Variants in C12orf42 observed in about 807,000 individuals in gnomAD.
C12orf42 encodes uncharacterized protein C12orf42.
In C12orf42, 25 loss-of-function variants were observed where a neutral mutation model predicts 21.6. The ratio of observed to expected loss-of-function variants is 1.16; its 90% CI spans 0.84 to 1.62. The LOEUF (loss-of-function observed/expected upper bound fraction) is 1.62, where lower values mean the gene tolerates loss of function less well. Among genes scored for constraint, C12orf42 ranks in the 40% most tolerant of loss-of-function variants. The pLI is 0.00. For synonymous variants in C12orf42, 174 were observed against 175.0 expected (o/e 0.99, Z 0.05); for missense variants, 483 against 459.3 (o/e 1.05, Z -0.47).
chr12:103,281,962 AGAG>A (rs2036166850), intron 4 of C12orf42, among the ~76,000 whole-genome samples: 1 of 151,558 alleles, frequency 6.6e-6, no homozygotes, highest in Non-Finnish European at 1.5e-5. Flanking sequence ...AAAGAAAGAA[AGAG>A]ATCGATCCTA....
chr12:103,451,722 A>G (rs1313460466), intron 2 of C12orf42, among the ~76,000 whole-genome samples: 2 of 152,062 alleles, frequency 1.3e-5, no homozygotes, highest in Non-Finnish European at 2.9e-5. Flanking sequence ...TCCCCTTAGG[A>G]AAGTTAATTC....
chr12:103,129,583 T>G, the C12orf42 span, among the ~76,000 whole-genome samples: 1 of 152,360 alleles, frequency 6.6e-6, no homozygotes, highest in Admixed American at 6.5e-5. Flanking sequence ...TGATTATTCT[T>G]CTGCCTTTTT....
chr12:103,047,942 T>G, the C12orf42 span, among the ~76,000 whole-genome samples: 1 of 152,218 alleles, frequency 6.6e-6, no homozygotes, highest in Admixed American at 6.5e-5. Flanking sequence ...TGCCATATTG[T>G]CATGGCCAGA....
intron 3 of C12orf42, among the ~76,000 whole-genome samples, chr12:103,399,991 T>C (rs2138661921): frequency 6.6e-6 from 1 of 152,238 alleles, no homozygotes; most frequent in African/African-American, 2.4e-5. Context: ...TATATGGCAG[T>C]CAATATACAG....
At chr12:103,506,758 CAG>C in the C12orf42 span, among the ~76,000 whole-genome samples, 179 of 134,792 alleles carry the variant, frequency 1.3e-3, no homozygotes, top group East Asian at 0.021. Flanking sequence ...GTACATAAAA[CAG>C]GGGCTAGAAG....
the C12orf42 span, among the ~76,000 whole-genome samples, chr12:103,553,613 C>T: frequency 6.6e-6 from 1 of 152,170 alleles, no homozygotes; most frequent in African/African-American, 2.4e-5. Context: ...ATCCAAAGTT[C>T]GTTAGAAATC....
At chr12:103,156,132 C>T in the C12orf42 span, 1 of 152,110 alleles carries the variant, frequency 6.6e-6, no homozygotes, top group African/African-American at 2.4e-5. Context: ...CAGGTCACAT[C>T]TGAAAGATTA....
the C12orf42 span, among the ~76,000 whole-genome samples, chr12:103,531,632 A>T: frequency 6.6e-6 from 1 of 152,248 alleles, no homozygotes; most frequent in Non-Finnish European, 1.5e-5. Flanking sequence ...AGAGAATATT[A>T]ACCTGGTAAA....
the C12orf42 span, among the ~76,000 whole-genome samples, chr12:103,223,474 TAG>T: frequency 6.6e-6 from 1 of 152,162 alleles, no homozygotes; most frequent in Non-Finnish European, 1.5e-5. Flanking sequence ...GATATCTGAT[TAG>T]AGAGTGCCTA....
At chr12:103,212,064 CTAAA>C in the C12orf42 span, among the ~76,000 whole-genome samples, 15 of 152,042 alleles carry the variant, frequency 9.9e-5, no homozygotes, top group Non-Finnish European at 2.1e-4. Flanking sequence ...TCATTTTGAA[CTAAA>C]TATTGTACAT....
At chr12:103,130,556 G>C in the C12orf42 span, among the ~76,000 whole-genome samples, 5 of 152,242 alleles carry the variant, frequency 3.3e-5, no homozygotes, top group South Asian at 8.3e-4. Flanking sequence ...CTGACTCTAA[G>C]GGAAAGGTTA....
the C12orf42 span, among the ~76,000 whole-genome samples, chr12:103,528,822 AC>A: frequency 6.6e-6 from 1 of 152,332 alleles, no homozygotes; most frequent in East Asian, 1.9e-4. Context: ...GCCAAATGCT[AC>A]ACTGGATGCT....
the C12orf42 span, among the ~76,000 whole-genome samples, chr12:103,551,392 C>T: frequency 2.8e-4 from 43 of 152,250 alleles, no homozygotes; most frequent in Admixed American, 6.5e-4. Context: ...TGGTACACAT[C>T]TGTAATCCTA....
At chr12:103,095,589 C>G in the C12orf42 span, among the ~76,000 whole-genome samples, 1 of 152,320 alleles carries the variant, frequency 6.6e-6, no homozygotes, top group African/African-American at 2.4e-5. Flanking sequence ...TCATTCCCTA[C>G]AATGCATTGC....
chr12:103,262,710 G>A (rs1386786429), intron 10 of C12orf42, among the ~76,000 whole-genome samples: 2 of 152,144 alleles, frequency 1.3e-5, no homozygotes, highest in Non-Finnish European at 2.9e-5. Context: ...TGGTGGGAGT[G>A]TAAATTAGTT....
intron 3 of C12orf42, among the ~76,000 whole-genome samples, chr12:103,383,060 G>C (rs1035995917): frequency 6.6e-6 from 1 of 152,044 alleles, no homozygotes; most frequent in African/African-American, 2.4e-5. Context: ...GATACTTACT[G>C]CCTGTGCCAT....
chr12:103,429,075 C>A (rs1566309563), intron 2 of C12orf42, among the ~76,000 whole-genome samples: 3 of 152,206 alleles, frequency 2.0e-5, no homozygotes, highest in Non-Finnish European at 2.9e-5. Context: ...AGGATGCCTT[C>A]TCTCACCATT....
chr12:103,255,327 G>A (rs2034508683), intron 10 of C12orf42, among the ~76,000 whole-genome samples: 1 of 152,004 alleles, frequency 6.6e-6, no homozygotes, highest in African/African-American at 2.4e-5. Flanking sequence ...AGCCAAGATC[G>A]CACCACTGCA....
the C12orf42 span, chr12:103,548,917 C>G: frequency 6.6e-6 from 1 of 152,094 alleles, no homozygotes; most frequent in Non-Finnish European, 1.5e-5. Flanking sequence ...TGAGTTCTCA[C>G]GACAAAGTCA....
Sources: allele counts gnomAD v4.1 joint callset (sites outside exome capture counted in the v4.1 genomes callset), GRCh38; gene constraint gnomAD v4.1.1; transcripts MANE v1.5; gene names NCBI Gene and HGNC (gene_info 2026-07-23, HGNC 2026-07-21).